Variants in PRPSAP2 observed in about 807,000 individuals in gnomAD.
The protein encoded by PRPSAP2 is phosphoribosyl pyrophosphate synthase-associated protein 2.
In PRPSAP2, 24 loss-of-function variants were observed where a neutral mutation model predicts 40.6. The observed-to-expected ratio is 0.59, with a 90% CI of 0.43 to 0.83. The LOEUF (loss-of-function observed/expected upper bound fraction) is 0.83. PRPSAP2 is among the 40% of genes least tolerant of loss of function. The pLI is 0.00. For synonymous variants in PRPSAP2, 149 were observed against 164.7 expected (o/e 0.90, Z 0.73); for missense variants, 292 against 465.6 (o/e 0.63, Z 3.43).
In PRPSAP2 at chr17:18,911,117, C is replaced by A; in HGVS notation, c.599C>A (p.Ala200Asp). The change falls in exon 9 of 12, where the codon GCT becomes GAT. Residue 200 changes from alanine to aspartate, a missense_variant. Around this residue, in one of 2 missense-constraint regions of PRPSAP2, gnomAD observed 241 missense variants for 425.7 expected, o/e 0.57. Transcript: ENST00000268835. The surrounding 1 kb of genome is among the most constrained non-coding windows in gnomAD (Gnocchi z 4.5). ...TTTTCCCTCAGGGCACAGTCTTTTGCTGAGCGCCTGCGCCTGGGAATTGCA... is the reference window on the plus strand; with the variant it reads ...TTTTCCCTCAGGGCACAGTCTTTTGATGAGCGCCTGCGCCTGGGAATTGCA... The part of the protein sequence containing the change: ...PASAKRAQSF[A>D]ERLRLGIAVI... 1 of 1,611,154 alleles carries A rather than the reference C, an allele frequency of 6.2e-7. No homozygotes were observed. The highest frequency in any genetic ancestry group is 1.1e-5 in the South Asian group (1 of 90,742).
chr17:18,920,290 G>A (rs1253816722), intron 9 of PRPSAP2, among the ~76,000 whole-genome samples: 1 of 152,202 alleles, frequency 6.6e-6, no homozygotes, highest in East Asian at 1.9e-4. Context: ...TGGCCTTTGG[G>A]AGTGGACTCT....
chr17:18,925,355 T>G (rs1331169512), intron 10 of PRPSAP2, among the ~76,000 whole-genome samples: 1 of 152,240 alleles, frequency 6.6e-6, no homozygotes, highest in East Asian at 1.9e-4. Context: ...GTCACTGATG[T>G]GAAAGCTGCC....
intron 5 of PRPSAP2, among the ~76,000 whole-genome samples, chr17:18,875,714 C>T (rs960255857): frequency 5.9e-5 from 9 of 151,474 alleles, no homozygotes; most frequent in East Asian, 1.9e-4. Flanking sequence ...ATTAGCTGGG[C>T]GTGGTGATAT....
intron 8 of PRPSAP2, chr17:18,908,746 G>A (rs2040761393): frequency 1.4e-6 from 1 of 724,814 alleles, no homozygotes; most frequent in East Asian, 2.5e-5. Flanking sequence ...ATGCAAGAAA[G>A]AGATCGGAGA....
intron 1 of PRPSAP2, among the ~76,000 whole-genome samples, chr17:18,864,056 G>T (rs2037252215): frequency 6.6e-6 from 1 of 151,400 alleles, no homozygotes; most frequent in Non-Finnish European, 1.5e-5. Context: ...GTTTCACCAT[G>T]TTGGTCAGGC....
At chr17:18,872,536 T>G in intron 4 of PRPSAP2, 47 bp from the exon 5 acceptor site, 1 of 1,436,766 alleles carries the variant, frequency 7.0e-7, no homozygotes, top group Non-Finnish European at 9.7e-7. Context: ...TTTTGAAAAA[T>G]TTGAACTATA....
intron 10 of PRPSAP2, chr17:18,928,318 T>TA (rs36063585): frequency 1.1e-5 from 2 of 176,854 alleles, no homozygotes; most frequent in Non-Finnish European, 2.5e-5. Flanking sequence ...TAATAACATG[T>TA]AAAAAAACAT....
At chr17:18,872,670 T>C (rs778433655) in intron 5 of PRPSAP2, 21 bp downstream of exon 5, 1 of 1,561,528 alleles carries the variant, frequency 6.4e-7, no homozygotes, top group East Asian at 2.2e-5. Context: ...AGCAAAAGTG[T>C]TGCTTTCTGG....
At chr17:18,922,668 A>AATT (rs2041751894) in intron 9 of PRPSAP2, among the ~76,000 whole-genome samples, 3 of 89,842 alleles carry the variant, frequency 3.3e-5, no homozygotes, top group Non-Finnish European at 6.3e-5. Context: ...TATATATATA[A>AATT]TTTTTTTTTT....
At chr17:18,907,159 T>C (rs2040644672) in intron 8 of PRPSAP2, among the ~76,000 whole-genome samples, 2 of 152,238 alleles carry the variant, frequency 1.3e-5, no homozygotes, top group African/African-American at 4.8e-5. Context: ...CTGCGAGAAC[T>C]TGTTGGATTC....
chr17:18,884,693 C>A (rs1024572436), intron 7 of PRPSAP2, among the ~76,000 whole-genome samples: 1 of 152,056 alleles, frequency 6.6e-6, no homozygotes, highest in African/African-American at 2.4e-5. Flanking sequence ...ATAAAATTGG[C>A]AAATGTCTTG....
At chr17:18,925,958 A>G (rs1053418270) in intron 10 of PRPSAP2, among the ~76,000 whole-genome samples, 6 of 152,044 alleles carry the variant, frequency 3.9e-5, no homozygotes, top group Non-Finnish European at 5.9e-5. Context: ...ACAAAAAATT[A>G]GCCGGGCGTA....
intron 8 of PRPSAP2, among the ~76,000 whole-genome samples, chr17:18,890,853 A>T (rs1291568238): frequency 6.6e-6 from 1 of 152,228 alleles, no homozygotes; most frequent in East Asian, 1.9e-4. Flanking sequence ...GTTAAAGGTG[A>T]CATTTTACAA....
At chr17:18,896,580 CTTTT>C (rs58391876) in intron 8 of PRPSAP2, among the ~76,000 whole-genome samples, 2 of 104,754 alleles carry the variant, frequency 1.9e-5, no homozygotes, top group Non-Finnish European at 1.8e-5. Context: ...CCAGATTTTC[CTTTT>C]TTTTTTTTTT....
chr17:18,918,696 G>T (rs1442521676), intron 9 of PRPSAP2, among the ~76,000 whole-genome samples: 6 of 152,194 alleles, frequency 3.9e-5, no homozygotes, highest in Admixed American at 3.9e-4. Context: ...GCAGGCACAT[G>T]GGAGGAGAGC....
intron 4 of PRPSAP2, among the ~76,000 whole-genome samples, chr17:18,867,643 A>ATGTCACCTTAGGAAGGATGAGTAAATCC (rs1344721443): frequency 1.3e-5 from 2 of 152,160 alleles, no homozygotes; most frequent in Admixed American, 6.6e-5. Context: ...GCTTAAATTT[A>ATGTCACCTTAGGAAGGATGAGTAAATCC]TGTCACCTTA....
chr17:18,918,927 T>C (rs2041527123), intron 9 of PRPSAP2, among the ~76,000 whole-genome samples: 1 of 152,344 alleles, frequency 6.6e-6, no homozygotes, highest in South Asian at 2.1e-4. Flanking sequence ...AAATTAATTT[T>C]ACCTTTTTTT....
intron 7 of PRPSAP2, among the ~76,000 whole-genome samples, chr17:18,885,486 T>A (rs1301809731): frequency 6.6e-6 from 1 of 152,062 alleles, no homozygotes; most frequent in Non-Finnish European, 1.5e-5. Context: ...TTTTTTCTTT[T>A]TTTTGGAGAC....
At chr17:18,913,541 CTTTTTT>C (rs35697920) in intron 9 of PRPSAP2, among the ~76,000 whole-genome samples, 1 of 73,952 alleles carries the variant, frequency 1.4e-5, no homozygotes, top group Non-Finnish European at 2.5e-5. Flanking sequence ...GCGTCTGGTT[CTTTTTT>C]TTTTTTTTTT....
Sources: allele counts gnomAD v4.1 joint callset (sites outside exome capture counted in the v4.1 genomes callset), GRCh38; gene constraint gnomAD v4.1.1; regional missense constraint gnomAD v4.1.1; non-coding constraint Gnocchi (gnomAD v3.1); transcripts MANE v1.5; gene names NCBI Gene and HGNC (gene_info 2026-07-23, HGNC 2026-07-21).